Variants in NSUN7 observed in about 807,000 individuals in gnomAD.
NSUN7 encodes the protein NOP2/Sun RNA methyltransferase family member 7.
Under a neutral mutation model 58.5 loss-of-function variants are expected in NSUN7, and 39 were observed. The ratio of observed to expected loss-of-function variants is 0.67; its 90% CI spans 0.52 to 0.87. The LOEUF (loss-of-function observed/expected upper bound fraction) is 0.87. Ranked by LOEUF, NSUN7 falls within the 40% of genes least tolerant of loss-of-function variation. NSUN7 has a pLI of 0.00. For missense variants in NSUN7, 765 were observed against 844.1 expected (o/e 0.91, Z 1.16); for synonymous variants, 278 against 303.7 (o/e 0.92, Z 0.88).
chr4:40,791,462 C>T (rs1439156293), intron 8 of NSUN7, among the ~76,000 whole-genome samples: 1 of 152,102 alleles, frequency 6.6e-6, no homozygotes, highest in Non-Finnish European at 1.5e-5. Context: ...AATGAGGAAT[C>T]TGAGGCTCAG....
chr4:40,757,650 A>G lies in NSUN7; in HGVS notation c.299-2784A>G, dbSNP rs1741218848. Among the ~76,000 whole-genome samples the G allele has an allele frequency of 6.2e-5, 9 of 144,644 alleles. No homozygotes were observed. The South Asian group carries it at 1.9e-3, about 31-fold the overall frequency. 94.9% of individuals were successfully genotyped at this position (144,644 alleles called of 152,430 possible). A position where few individuals can be genotyped will look rare whatever the true frequency, so the allele number is the denominator to read the frequency against. On this transcript the variant is annotated intron_variant, in intron 2 of 11. Transcript: ENST00000381782. ...ATATACATTGTGTGTATATATATAC[A>G]TTGTGTATATATATACATTGTGTGT...
chr4:40,801,445 C>A (rs1743575973), intron 10 of NSUN7, among the ~76,000 whole-genome samples: 1 of 152,080 alleles, frequency 6.6e-6, no homozygotes, highest in South Asian at 2.1e-4. Flanking sequence ...TTATAAATTT[C>A]ATGTTCATGT....
chr4:40,774,896 TA>T lies in NSUN7; in HGVS notation c.776del (p.Asn259MetfsTer4). 7.7e-7 allele frequency: 1 copy of T among 1,299,968 alleles called. No individual in the cohort carries two copies. Among genetic ancestry groups the T allele is most frequent in the Non-Finnish European group, 1.1e-6 (1 of 896,754 alleles). 80.5% of individuals were successfully genotyped at this position (1,299,968 alleles called of 1,614,324 possible). On this transcript the variant is annotated frameshift_variant, in exon 6 of 12. Coordinates refer to ENST00000381782, the MANE Select transcript of NSUN7 (RefSeq NM_024677.6). LOFTEE classifies it high-confidence loss of function. The part of the protein sequence containing the change: ...YDVLIFPSHL[K>X]NDLINIDLFK... ...ATGTCTTAATTTTTCCATCTCATCT[TA>T]AAAATGATCTTATAAATATAGATCT... is the stretch of plus-strand genomic sequence containing the variant.
intron 10 of NSUN7, among the ~76,000 whole-genome samples, chr4:40,806,637 CAAAAAGTAACCAAAAG>C (rs1743817338): frequency 6.6e-6 from 1 of 151,952 alleles, no homozygotes; most frequent in Admixed American, 6.6e-5. Context: ...TGTAATTGTG[CAAAAAGTAACCAAAAG>C]AAAACGTTTT....
chr4:40,761,143 T>C, intron 3 of NSUN7, 28 bp from the exon 4 acceptor site: 3 of 1,530,616 alleles, frequency 2.0e-6, no homozygotes, highest in Non-Finnish European at 2.6e-6. Flanking sequence ...TTTGTATACT[T>C]TTCTTTATAT....
chr4:40,752,587 A>AT (rs1190941689), intron 2 of NSUN7, among the ~76,000 whole-genome samples: 4 of 152,048 alleles, frequency 2.6e-5, no homozygotes, highest in East Asian at 3.9e-4. Flanking sequence ...TGCCTGGCTA[A>AT]TTTTTTGTAT....
chr4:40,788,771 T>C (rs1272943100), intron 7 of NSUN7, among the ~76,000 whole-genome samples: 1 of 152,190 alleles, frequency 6.6e-6, no homozygotes, highest in Non-Finnish European at 1.5e-5. Context: ...GCCTGGTGTG[T>C]GTTGTGTGTA....
chr4:40,797,529 C>T (rs935778435), intron 9 of NSUN7, among the ~76,000 whole-genome samples: 12 of 152,176 alleles, frequency 7.9e-5, no homozygotes, highest in Admixed American at 1.3e-4. Context: ...AGGCTAAAAA[C>T]GTTAGCATTA....
At chr4:40,766,134 G>A (rs1245513261) in intron 4 of NSUN7, among the ~76,000 whole-genome samples, 9 of 152,208 alleles carry the variant, frequency 5.9e-5, no homozygotes, top group African/African-American at 2.2e-4. Context: ...TAGGAGTGGT[G>A]AGAGAGGGCA....
intron 2 of NSUN7, among the ~76,000 whole-genome samples, chr4:40,758,941 G>T (rs1362545403): frequency 2.6e-5 from 4 of 152,008 alleles, no homozygotes; most frequent in African/African-American, 9.7e-5. Context: ...TTTATACCTT[G>T]GTTATAGTAG....
chr4:40,803,209 CA>C (rs1304744151), intron 10 of NSUN7, among the ~76,000 whole-genome samples: 2 of 151,918 alleles, frequency 1.3e-5, no homozygotes, highest in Admixed American at 1.3e-4. Flanking sequence ...GGGTTGGTTC[CA>C]AGTCTTTGCT....
At chr4:40,783,898 A>G (rs560486626) in intron 7 of NSUN7, among the ~76,000 whole-genome samples, 1 of 152,242 alleles carries the variant, frequency 6.6e-6, no homozygotes, top group Admixed American at 6.5e-5. Flanking sequence ...TTTTCAAATC[A>G]TCTATCTGAA....
intron 9 of NSUN7, among the ~76,000 whole-genome samples, chr4:40,798,422 AGTCT>A (rs1743416313): frequency 6.6e-6 from 1 of 152,212 alleles, no homozygotes; most frequent in Admixed American, 6.5e-5. Flanking sequence ...TTCACCTCTA[AGTCT>A]GTCTGTTTCT....
At chr4:40,777,560 C>A (rs1241048606) in intron 7 of NSUN7, among the ~76,000 whole-genome samples, 1 of 152,174 alleles carries the variant, frequency 6.6e-6, no homozygotes, top group East Asian at 1.9e-4. Context: ...AGGTGATCCA[C>A]CCATCTTGGC....
rs573448647 is a variant in NSUN7 at position 40,764,113 on chromosome 4, C to A, written c.488+2812C>A. On this transcript the variant is annotated intron_variant, in intron 4 of 11. Transcript: ENST00000381782. ...TTATTATACTTTAAGTTTTAGGGTA[C>A]ATGTGCACAATGTGCAGGTTAGTTA... 3.3e-3 allele frequency among the ~76,000 whole-genome samples: 498 copies of A among 151,104 alleles called. 2 individuals carry two copies. The highest frequency in any genetic ancestry group is 0.011 in the African/African-American group (468 of 41,128).
At chr4:40,784,069 T>G (rs975399923) in intron 7 of NSUN7, among the ~76,000 whole-genome samples, 3 of 152,182 alleles carry the variant, frequency 2.0e-5, no homozygotes, top group Admixed American at 6.5e-5. Flanking sequence ...ATTAGGGAAC[T>G]GCAAATCAAA....
rs1291869417 is a variant in NSUN7 at position 40,809,704 on chromosome 4, C to T, written c.*765C>T. The T allele has an allele frequency of 6.7e-6, 1 of 148,576 alleles. No homozygotes were observed. Among genetic ancestry groups the T allele is most frequent in the Non-Finnish European group, 1.5e-5 (1 of 65,854 alleles). The allele number at this position is 148,576 out of a possible 1,614,324, so 9.2% of individuals were successfully genotyped here. ...GCAAAACTGTTGAATGCAAGCGATA[C>T]CTATTGTTGAAGAAACCCACAAATT... On this transcript the variant is annotated 3_prime_UTR_variant, in exon 12 of 12. Transcript: ENST00000381782.
intron 4 of NSUN7, among the ~76,000 whole-genome samples, chr4:40,772,412 T>C (rs1026734096): frequency 9.2e-5 from 14 of 152,218 alleles, no homozygotes; most frequent in African/African-American, 3.1e-4. Context: ...ATGTACTATG[T>C]CATTTTTTTA....
rs148872276 is a variant in NSUN7, at chr4:40,775,929, T to C, written c.826-120T>C. 1.5e-3 allele frequency: 816 copies of C among 559,802 alleles called. 11 individuals are homozygous for C. Among genetic ancestry groups the C allele is most frequent in the African/African-American group, 0.014 (706 of 52,220 alleles). 34.7% of individuals were successfully genotyped at this position (559,802 alleles called of 1,614,324 possible). On this transcript the variant is annotated intron_variant, in intron 6 of 11. Transcript: ENST00000381782. This position sits in a 1 kb window ranked among gnomAD's most constrained non-coding sequence, Gnocchi z 4.3. ...TAGACATATATTAAGATGTTAAAACTAAAATTGGTTAGGTCTCTAATATTA... is the reference window on the plus strand; with the variant it reads ...TAGACATATATTAAGATGTTAAAACCAAAATTGGTTAGGTCTCTAATATTA...
Sources: gnomAD v4.1 joint callset for allele counts (sites outside exome capture counted in the v4.1 genomes callset) on GRCh38, gnomAD v4.1.1 for gene constraint, Gnocchi (gnomAD v3.1) non-coding constraint, MANE v1.5 for transcripts, NCBI Gene and HGNC (gene_info 2026-07-23, HGNC 2026-07-21) for gene names.